The following SLC22A9 variants were observed in gnomAD, a reference collection of about 807,000 sequenced individuals.
SLC22A9 encodes solute carrier family 22 member 9.
In SLC22A9, 64 loss-of-function variants were observed where a neutral mutation model predicts 50.1. The ratio of observed to expected loss-of-function variants is 1.28; its 90% CI spans 1.04 to 1.57. SLC22A9 has a LOEUF of 1.57. Among genes scored for constraint, SLC22A9 ranks in the 40% most tolerant of loss-of-function variants. The probability of loss-of-function intolerance (pLI) is 0.00; values close to 1 mark genes in which losing one functional copy is unlikely to be tolerated. For synonymous variants in SLC22A9, 261 were observed against 242.5 expected, an observed-to-expected ratio of 1.08 and a Z score of -0.71; for missense variants, 757 against 676.1, an observed-to-expected ratio of 1.12 and a Z score of -1.33.
At position 63,369,806 on chromosome 11, in the gene SLC22A9, A is replaced by C. The variant is rs928430808; in HGVS notation, c.-251A>C. 1 of 457,206 alleles carries C rather than the reference A, an allele frequency of 2.2e-6. No homozygotes were observed. Among genetic ancestry groups the C allele is most frequent in the Non-Finnish European group, 3.8e-6 (1 of 259,848 alleles). 28.3% of individuals were successfully genotyped at this position (457,206 alleles called of 1,614,324 possible). ...TTTTAAACACATTTCATTGTAAACGACTGGGAGTATCTGAGCAAATTATTT... is the reference window on the plus strand; with the variant it reads ...TTTTAAACACATTTCATTGTAAACGCCTGGGAGTATCTGAGCAAATTATTT... On this transcript the variant is annotated 5_prime_UTR_variant, in exon 1 of 10. Transcript: ENST00000279178.
intron 2 of SLC22A9, among the ~76,000 whole-genome samples, chr11:63,373,123 C>CTTT (rs745704793): frequency 6.8e-5 from 9 of 131,824 alleles, no homozygotes; most frequent in Non-Finnish European, 9.7e-5. Context: ...CTTTTTTTTC[C>CTTT]TTTTTTTTTT....
intron 6 of SLC22A9, among the ~76,000 whole-genome samples, chr11:63,382,792 A>T (rs1273982258): frequency 3.3e-5 from 5 of 152,168 alleles, no homozygotes; most frequent in Non-Finnish European, 5.9e-5. Context: ...GGATCCAAAT[A>T]CCTCTATGAG....
chr11:63,388,520 A>G (rs1368176233), intron 6 of SLC22A9, among the ~76,000 whole-genome samples: 2 of 152,082 alleles, frequency 1.3e-5, no homozygotes, highest in East Asian at 1.9e-4. Context: ...TGTGGGATAA[A>G]TTCCCCTTAG....
rs111563979 is a variant in SLC22A9, at chr11:63,409,964, G to A, written c.*102G>A. ...ATCTAGAAAATAAATAACAAGGCTG[G>A]GTGCGGTGGCTCACGCCTGTAATCC... is the stretch of plus-strand genomic sequence containing the variant. On this transcript the variant is annotated 3_prime_UTR_variant, in exon 10 of 10. Transcript: ENST00000279178. The A allele has an allele frequency of 2.1e-3, 2,805 of 1,357,350 alleles. 49 individuals carry two copies. The African/African-American group carries it at 0.037, about 18-fold the overall frequency. The allele number at this position is 1,357,350 out of a possible 1,614,324, so 84.1% of individuals were successfully genotyped here.
chr11:63,371,644 A>C (rs779993702), intron 2 of SLC22A9, among the ~76,000 whole-genome samples: 2 of 152,214 alleles, frequency 1.3e-5, no homozygotes, highest in Non-Finnish European at 2.9e-5. Context: ...TTGTCATTAC[A>C]TCATAGTTCC....
rs565354711 is a variant in SLC22A9 at position 63,380,941 on chromosome 11, G to C, written c.955-1218G>C. Among the ~76,000 whole-genome samples the C allele has an allele frequency of 3.5e-3, 527 of 152,148 alleles. 4 individuals are homozygous for C. The highest frequency in any genetic ancestry group is 0.012 in the African/African-American group (499 of 41,506). On this transcript the variant is annotated intron_variant, in intron 5 of 9. Transcript: ENST00000279178. Reference sequence around the variant, plus strand: ...ATTATTAAACTAAATGGCAACTGATGATCCCATCAGTTTCCCAGGGAAAAA... The same window carrying C: ...ATTATTAAACTAAATGGCAACTGATCATCCCATCAGTTTCCCAGGGAAAAA...
intron 5 of SLC22A9, among the ~76,000 whole-genome samples, chr11:63,376,778 C>T (rs982815137): frequency 1.3e-4 from 19 of 150,388 alleles, no homozygotes; most frequent in Admixed American, 3.3e-4. Flanking sequence ...AAAAAAAATA[C>T]ACCCAATTGT....
intron 6 of SLC22A9, among the ~76,000 whole-genome samples, chr11:63,387,555 C>T (rs1176196541): frequency 6.6e-6 from 1 of 152,096 alleles, no homozygotes; most frequent in Admixed American, 6.6e-5. Context: ...GCTACTATAG[C>T]TCTGTAGTAT....
At chr11:63,390,313 T>G (rs993068196) in intron 6 of SLC22A9, among the ~76,000 whole-genome samples, 1 of 152,112 alleles carries the variant, frequency 6.6e-6, no homozygotes, top group African/African-American at 2.4e-5. Context: ...TTTTTGGTTT[T>G]ACATTTATGT....
chr11:63,377,656 A>G (rs2014487659), intron 5 of SLC22A9, among the ~76,000 whole-genome samples: 1 of 152,144 alleles, frequency 6.6e-6, no homozygotes, highest in Non-Finnish European at 1.5e-5. Context: ...CTAGAAAAAG[A>G]AGAGCAAACA....
intron 6 of SLC22A9, among the ~76,000 whole-genome samples, chr11:63,405,700 G>A (rs2015025459): frequency 1.3e-5 from 2 of 152,136 alleles, no homozygotes; most frequent in African/African-American, 4.8e-5. Context: ...TTCAGCTCCT[G>A]AGGTACTCAC....
chr11:63,379,453 C>A (rs549062698), intron 5 of SLC22A9, among the ~76,000 whole-genome samples: 10 of 152,244 alleles, frequency 6.6e-5, no homozygotes, highest in African/African-American at 2.4e-4. Flanking sequence ...AAGGCCCTGA[C>A]AAAGGTCTCA....
chr11:63,375,535 C>A, intron 4 of SLC22A9, 110 bp from the exon 5 acceptor site: 4 of 1,466,482 alleles, frequency 2.7e-6, no homozygotes, highest in Non-Finnish European at 3.7e-6. Flanking sequence ...CTGGTAAAAC[C>A]AAACAAGTGG....
At position 63,396,937 on chromosome 11, in the gene SLC22A9, G is replaced by C. The variant is rs548529913; in HGVS notation, c.1074-9560G>C. ...TGCTGATGCTTGTGGATGTTCATCA[G>C]TGTCTGGGCACTGAAAACTTAGGTA... is the stretch of plus-strand genomic sequence containing the variant. On this transcript the variant is annotated intron_variant, in intron 6 of 9. Transcript: ENST00000279178. 3.3e-4 allele frequency among the ~76,000 whole-genome samples: 51 copies of C among 152,274 alleles called. 2 individuals carry two copies. The South Asian group carries it at 0.01, about 31-fold the overall frequency.
intron 6 of SLC22A9, among the ~76,000 whole-genome samples, chr11:63,403,725 G>A (rs910803156): frequency 6.6e-6 from 1 of 151,746 alleles, no homozygotes; most frequent in African/African-American, 2.4e-5. Flanking sequence ...AAGAAAAGGA[G>A]ATAAAATATG....
Position 63,370,178 on chromosome 11 carries a change from C to T in SLC22A9, c.122C>T (p.Thr41Ile), listed in dbSNP as rs376343060. ...TYLHFMLENFTAFIPGHRCWV... is the reference protein window; with the variant it reads ...TYLHFMLENFIAFIPGHRCWV... ...CTTCATTTTATGCTGGAGAACTTCACTGCATTCATACCTGGCCATCGCTGC... is the reference window on the plus strand; with the variant it reads ...CTTCATTTTATGCTGGAGAACTTCATTGCATTCATACCTGGCCATCGCTGC... Residue 41 changes from threonine to isoleucine, a missense_variant, in exon 1 of 10, where the codon ACT becomes ATT. By Grantham distance (89) the Thr-to-Ile change is moderately conservative. Coordinates refer to ENST00000279178, the MANE Select transcript of SLC22A9 (RefSeq NM_080866.3). 4.2e-5 allele frequency: 67 copies of T among 1,613,972 alleles called. No individual in the cohort carries two copies. The highest frequency in any genetic ancestry group is 5.3e-5 in the Non-Finnish European group (63 of 1,179,948).
At chr11:63,392,334 C>T (rs2014778509) in intron 6 of SLC22A9, among the ~76,000 whole-genome samples, 1 of 151,966 alleles carries the variant, frequency 6.6e-6, no homozygotes, top group African/African-American at 2.4e-5. Flanking sequence ...ATGATATATT[C>T]CTGCTCATCA....
rs555835978 is a variant in SLC22A9, at chr11:63,369,854, G to A, written c.-203G>A. ...TTTCTTACGTGACTTTAGAGAAAAC[G>A]GCTACCTATCTGACCCCAAAACGAC... On this transcript the variant is annotated 5_prime_UTR_variant, in exon 1 of 10. Transcript: ENST00000279178. 5 of 504,206 alleles carry A rather than the reference G, an allele frequency of 9.9e-6. No individual in the cohort carries two copies. In the East Asian group the frequency reaches 1.3e-4, roughly 13 times the overall value. 31.2% of individuals were successfully genotyped at this position (504,206 alleles called of 1,614,324 possible).
rs1420076265 is a variant in SLC22A9 at position 63,373,892 on chromosome 11, A to G, written c.662-2A>G. The G allele has an allele frequency of 1.2e-6, 2 of 1,611,546 alleles. No individual in the cohort carries two copies. Among genetic ancestry groups the G allele is most frequent in the Admixed American group, 1.7e-5 (1 of 59,410 alleles). On this transcript the variant is annotated splice_acceptor_variant, in intron 3 of 9. Transcript: ENST00000279178. LOFTEE classifies it high-confidence loss of function. ...CAAAGCCTTATCTGTTTTTTCTTCC[A>G]GTAGCCGAGTGGGCAACACACAGAT...
Sources: gnomAD v4.1 joint callset for allele counts (sites outside exome capture counted in the v4.1 genomes callset) on GRCh38, gnomAD v4.1.1 for gene constraint, MANE v1.5 for transcripts, NCBI Gene and HGNC (gene_info 2026-07-23, HGNC 2026-07-21) for gene names.